Variants in PSME4 observed in about 807,000 individuals in gnomAD.
PSME4 encodes proteasome activator complex subunit 4.
In PSME4, 89 loss-of-function variants were observed where a neutral mutation model predicts 253.9. The observed-to-expected ratio is 0.35, with a 90% CI of 0.30 to 0.42. The LOEUF (loss-of-function observed/expected upper bound fraction) is 0.42, where lower values mean the gene tolerates loss of function less well. PSME4 is among the 10% of genes least tolerant of loss of function. The probability of loss-of-function intolerance (pLI) is 1.00; values close to 1 mark genes in which losing one functional copy is unlikely to be tolerated. For missense variants in PSME4, 2,014 were observed against 2,195.2 expected (o/e 0.92, Z 1.65); for synonymous variants, 851 against 759.2 (o/e 1.12, Z -1.99).
At chr2:53,941,176 C>A (rs1170281824) in intron 3 of PSME4, among the ~76,000 whole-genome samples, 2 of 144,642 alleles carry the variant, frequency 1.4e-5, no homozygotes, top group Admixed American at 7.3e-5. Flanking sequence ...TATTATATAA[C>A]CAAGAGAGGA....
At chr2:53,910,502 C>A (rs1288874107) in intron 20 of PSME4, among the ~76,000 whole-genome samples, 2 of 152,162 alleles carry the variant, frequency 1.3e-5, no homozygotes, top group Non-Finnish European at 2.9e-5. Context: ...AGCTGACAAG[C>A]TTATTTAGAT....
intron 22 of PSME4, 96 bp from the exon 23 acceptor site, chr2:53,908,661 C>T: frequency 6.9e-7 from 1 of 1,455,836 alleles, no homozygotes; most frequent in Non-Finnish European, 9.3e-7. Flanking sequence ...GAAAAAAAAT[C>T]ACTGCCCAAT....
chr2:53,960,514 A>G (rs558809160), intron 1 of PSME4, among the ~76,000 whole-genome samples: 2 of 152,286 alleles, frequency 1.3e-5, no homozygotes, highest in South Asian at 4.1e-4. Flanking sequence ...TTTCTATTCT[A>G]GTTTGCTTTG....
At chr2:53,888,588 G>A (rs1401631223) in intron 38 of PSME4, 133 bp downstream of exon 38, 1 of 585,196 alleles carries the variant, frequency 1.7e-6, no homozygotes, top group Non-Finnish European at 2.9e-6. Context: ...TATGGAACCA[G>A]ATCACATCAC....
intron 20 of PSME4, among the ~76,000 whole-genome samples, chr2:53,916,299 G>T (rs1668062436): frequency 6.6e-6 from 1 of 151,236 alleles, no homozygotes; most frequent in African/African-American, 2.4e-5. Context: ...AACTGGTCTG[G>T]TATTTCAGAA....
intron 41 of PSME4, among the ~76,000 whole-genome samples, chr2:53,878,763 C>A (rs763796257): frequency 2.6e-5 from 4 of 152,184 alleles, no homozygotes; most frequent in African/African-American, 4.8e-5. Context: ...GTGGTCTGCT[C>A]TAAAACCCCA....
intron 1 of PSME4, among the ~76,000 whole-genome samples, chr2:53,949,619 T>C (rs184921543): frequency 6.6e-5 from 10 of 152,256 alleles, no homozygotes; most frequent in Non-Finnish European, 1.3e-4. Flanking sequence ...ACAGCATGTA[T>C]GAATGTTAAG....
intron 41 of PSME4, among the ~76,000 whole-genome samples, chr2:53,885,200 C>G (rs2104421632): frequency 1.3e-5 from 2 of 152,296 alleles, no homozygotes; most frequent in Middle Eastern, 3.4e-3. Flanking sequence ...CCACCTCAAG[C>G]CATGCCTTTC....
chr2:53,879,801 CAAAAAAA>C (rs55730803), intron 41 of PSME4, among the ~76,000 whole-genome samples: 1 of 89,946 alleles, frequency 1.1e-5, no homozygotes, highest in Non-Finnish European at 2.1e-5. Flanking sequence ...GACCCTGTCT[CAAAAAAA>C]AAAAAAAAAA....
At chr2:53,931,544 T>C (rs1365151644) in intron 10 of PSME4, among the ~76,000 whole-genome samples, 2 of 152,218 alleles carry the variant, frequency 1.3e-5, no homozygotes, top group Admixed American at 1.3e-4. Flanking sequence ...ACACTCAACA[T>C]TTCGATCTAA....
chr2:53,947,457 G>A (rs1180758539), intron 3 of PSME4, among the ~76,000 whole-genome samples: 2 of 152,206 alleles, frequency 1.3e-5, no homozygotes, highest in Non-Finnish European at 2.9e-5. Flanking sequence ...TGTAATCCCA[G>A]CACTTTGGGA....
chr2:53,969,935 T>A (rs1370549752), intron 1 of PSME4, among the ~76,000 whole-genome samples: 2 of 151,804 alleles, frequency 1.3e-5, no homozygotes, highest in East Asian at 3.9e-4. Flanking sequence ...ACTGTCCACA[T>A]AAGACGTTAA....
intron 37 of PSME4, among the ~76,000 whole-genome samples, 159 bp downstream of exon 37, chr2:53,889,945 A>G (rs1322804482): frequency 6.6e-6 from 1 of 152,242 alleles, no homozygotes; most frequent in Non-Finnish European, 1.5e-5. Flanking sequence ...CTCACTTAGA[A>G]TAATAGTCTC....
intron 37 of PSME4, among the ~76,000 whole-genome samples, chr2:53,889,300 G>A (rs888009911): frequency 6.6e-6 from 1 of 152,090 alleles, no homozygotes; most frequent in African/African-American, 2.4e-5. Flanking sequence ...AAATGGTGTA[G>A]TATTTACATA....
At chr2:53,967,649 CAAAAAAAAAAAAAAAA>C (rs71408747) in intron 1 of PSME4, among the ~76,000 whole-genome samples, 8 of 21,560 alleles carry the variant, frequency 3.7e-4, no homozygotes, top group South Asian at 4.8e-3. Flanking sequence ...GAGATTGTCT[CAAAAAAAAAAAAAAAA>C]AAAAAAAAAA....
intron 44 of PSME4, 39 bp downstream of exon 44, chr2:53,869,337 T>C: frequency 6.5e-7 from 1 of 1,541,168 alleles, no homozygotes; most frequent in Non-Finnish European, 8.9e-7. Flanking sequence ...CCTCATTAAT[T>C]CCCAATAGGA....
chr2:53,896,080 C>T (rs1422590575), intron 32 of PSME4, among the ~76,000 whole-genome samples: 1 of 152,114 alleles, frequency 6.6e-6, no homozygotes, highest in African/African-American at 2.4e-5. Context: ...ACATCTTTTA[C>T]TGAGACACCC....
At position 53,892,850 on chromosome 2, in the gene PSME4, T is replaced by C. The variant is rs139306149; in HGVS notation, c.4149A>G (p.Ile1383Met). 9.4e-5 allele frequency: 152 copies of C among 1,613,860 alleles called. No individual in the cohort carries two copies. The African/African-American group carries it at 1.9e-3, about 20-fold the overall frequency. The change falls in exon 36 of 47, where the codon ATA becomes ATG. Residue 1383 changes from isoleucine (I) to methionine (M), a missense_variant. Around this residue, in one of 4 missense-constraint regions of PSME4, gnomAD observed 403 missense variants for 556.1 expected, o/e 0.72. Coordinates refer to ENST00000404125, the MANE Select transcript of PSME4 (RefSeq NM_014614.3). Reference protein sequence around the residue: ...ESTQRCVAEIIAGLIRGSKHW... With the variant: ...ESTQRCVAEIMAGLIRGSKHW... The stretch of plus-strand genomic sequence containing the variant: ...GCTTAGAACCTCTGATTAAACCAGC[T>C]ATAATTTCTGCAACACATCGCTGGG...
intron 3 of PSME4, among the ~76,000 whole-genome samples, chr2:53,940,964 T>TAATACATATTTAA (rs1558413905): frequency 2.2e-5 from 1 of 46,322 alleles, no homozygotes; most frequent in Non-Finnish European, 5.0e-5. Flanking sequence ...TATATATATA[T>TAATACATATTTAA]ATATATATAT....
Sources: allele counts gnomAD v4.1 joint callset (sites outside exome capture counted in the v4.1 genomes callset), GRCh38; gene constraint gnomAD v4.1.1; regional missense constraint gnomAD v4.1.1; transcripts MANE v1.5; gene names NCBI Gene and HGNC (gene_info 2026-07-23, HGNC 2026-07-21).